The following MNAT1 variants were observed in gnomAD, a reference collection of about 807,000 sequenced individuals.
MNAT1 encodes the protein CDK-activating kinase assembly factor MAT1.
Under a neutral mutation model 42.0 loss-of-function variants are expected in MNAT1, and 43 were observed. The observed-to-expected ratio is 1.02, with a 90% CI of 0.80 to 1.32. MNAT1 has a LOEUF of 1.32. Ranked by LOEUF, MNAT1 falls within the 40% of genes most tolerant of loss-of-function variation. MNAT1 has a pLI of 0.00. For missense variants in MNAT1, 306 were observed against 350.4 expected, an observed-to-expected ratio of 0.87 and a Z score of 1.01; for synonymous variants, 118 against 120.0, an observed-to-expected ratio of 0.98 and a Z score of 0.11.
chr14:60,939,090 AT>A (rs2036076538), intron 7 of MNAT1, among the ~76,000 whole-genome samples: 2 of 152,180 alleles, frequency 1.3e-5, no homozygotes, highest in Non-Finnish European at 2.9e-5. Context: ...CCCCTTTATC[AT>A]TTTTTATTGC....
chr14:60,870,202 T>C (rs2034298253), intron 6 of MNAT1, among the ~76,000 whole-genome samples: 1 of 152,148 alleles, frequency 6.6e-6, no homozygotes, highest in South Asian at 2.1e-4. Flanking sequence ...ATTTTTTGAC[T>C]AGCAAATGAT....
At chr14:60,845,348 G>T (rs2033656345) in intron 6 of MNAT1, among the ~76,000 whole-genome samples, 1 of 151,834 alleles carries the variant, frequency 6.6e-6, no homozygotes, top group South Asian at 2.1e-4. Context: ...AAGAATTTGA[G>T]AATTTCATCT....
At chr14:60,834,080 G>T (rs1374197761) in intron 6 of MNAT1, among the ~76,000 whole-genome samples, 3 of 151,984 alleles carry the variant, frequency 2.0e-5, no homozygotes, top group Admixed American at 2.0e-4. Flanking sequence ...TATTAGTCTG[G>T]ATAATGGTCT....
intron 7 of MNAT1, among the ~76,000 whole-genome samples, chr14:60,945,914 A>G (rs902374872): frequency 6.6e-6 from 1 of 152,148 alleles, no homozygotes; most frequent in Non-Finnish European, 1.5e-5. Flanking sequence ...TAACTTTTCA[A>G]CATGCTACAC....
intron 1 of MNAT1, among the ~76,000 whole-genome samples, chr14:60,757,333 A>G (rs1354444631): frequency 6.6e-6 from 1 of 152,160 alleles, no homozygotes; most frequent in African/African-American, 2.4e-5. Flanking sequence ...TCAAGCCACT[A>G]TGAAAATTTT....
intron 6 of MNAT1, among the ~76,000 whole-genome samples, chr14:60,856,424 G>A (rs1471668511): frequency 6.6e-6 from 1 of 152,164 alleles, no homozygotes; most frequent in East Asian, 1.9e-4. Flanking sequence ...CAGGAGAAAA[G>A]TCTGAAGCTA....
chr14:60,894,519 T>C (rs1206245263), intron 7 of MNAT1, among the ~76,000 whole-genome samples: 1 of 152,134 alleles, frequency 6.6e-6, no homozygotes, highest in African/African-American at 2.4e-5. Context: ...CAACACTTTG[T>C]TTGGAGCCCT....
chr14:60,911,373 A>ATGTGTT (rs1341711276), intron 7 of MNAT1, among the ~76,000 whole-genome samples: 2 of 151,944 alleles, frequency 1.3e-5, no homozygotes, highest in Non-Finnish European at 2.9e-5. Context: ...TAGCTTTTGA[A>ATGTGTT]TGTGTTTGCT....
intron 7 of MNAT1, among the ~76,000 whole-genome samples, chr14:60,962,551 A>C (rs1450453870): frequency 6.6e-6 from 1 of 152,198 alleles, no homozygotes; most frequent in Non-Finnish European, 1.5e-5. Context: ...TAATCCTTTC[A>C]TTATGTAATT....
At chr14:60,953,990 C>T (rs150728258) in intron 7 of MNAT1, among the ~76,000 whole-genome samples, 4,395 of 152,060 alleles carry the variant, frequency 0.029, 93 homozygotes, top group Middle Eastern at 0.048. Context: ...TTCTTGCTAT[C>T]GAGTTGTTTG....
chr14:60,818,472 G>A (rs1306382375), intron 5 of MNAT1, among the ~76,000 whole-genome samples: 1 of 151,884 alleles, frequency 6.6e-6, no homozygotes, highest in Non-Finnish European at 1.5e-5. Context: ...TGGTTGGTTT[G>A]CTAGTTGAAA....
rs183536871 is a variant in MNAT1 at position 60,833,010 on chromosome 14, C to T, written c.687+14163C>T. Among the ~76,000 whole-genome samples the T allele has an allele frequency of 3.6e-3, 554 of 152,058 alleles. 2 individuals carry two copies. The highest frequency in any genetic ancestry group is 0.013 in the African/African-American group (524 of 41,510). ...TGTTGTTGTATAGGAATGCTTGTGA[C>T]TTTTGCACATTGATTTTGTATCCTG... On this transcript the variant is annotated intron_variant, in intron 6 of 7. Transcript: ENST00000261245.
At chr14:60,869,492 C>T (rs2139447053) in intron 6 of MNAT1, among the ~76,000 whole-genome samples, 1 of 152,164 alleles carries the variant, frequency 6.6e-6, no homozygotes, top group Admixed American at 6.5e-5. Context: ...GACAATTACA[C>T]AGAGTTTAAC....
At chr14:60,815,360 GC>G (rs2032679321) in intron 5 of MNAT1, among the ~76,000 whole-genome samples, 1 of 151,908 alleles carries the variant, frequency 6.6e-6, no homozygotes, top group Non-Finnish European at 1.5e-5. Flanking sequence ...GATTACAGGT[GC>G]CTGCCACCAT....
chr14:60,844,197 CT>C (rs2139406059), intron 6 of MNAT1, among the ~76,000 whole-genome samples: 1 of 152,068 alleles, frequency 6.6e-6, no homozygotes, highest in African/African-American at 2.4e-5. Context: ...AATTCTTTTT[CT>C]TTTTCAAGAT....
At chr14:60,802,575 A>G (rs1365667596) in intron 3 of MNAT1, among the ~76,000 whole-genome samples, 1 of 152,182 alleles carries the variant, frequency 6.6e-6, no homozygotes, top group African/African-American at 2.4e-5. Context: ...GGGCCATTAC[A>G]GTAATTTGGA....
intron 7 of MNAT1, among the ~76,000 whole-genome samples, chr14:60,902,616 A>G (rs550274760): frequency 5.6e-4 from 85 of 152,300 alleles, no homozygotes; most frequent in African/African-American, 1.9e-3. Context: ...CTAATAAGAT[A>G]CATCCATCCC....
intron 1 of MNAT1, among the ~76,000 whole-genome samples, chr14:60,755,607 A>G (rs972161082): frequency 1.3e-5 from 2 of 152,210 alleles, no homozygotes; most frequent in African/African-American, 4.8e-5. Flanking sequence ...TGTAAAGCAG[A>G]AAATATAGTG....
intron 7 of MNAT1, chr14:60,919,485 T>TA (rs2035605652): frequency 6.5e-6 from 1 of 153,344 alleles, no homozygotes; most frequent in African/African-American, 2.4e-5. Flanking sequence ...GCAGAATTGC[T>TA]GCGTCTTTTT....
Sources: gnomAD v4.1 joint callset for allele counts (sites outside exome capture counted in the v4.1 genomes callset) on GRCh38, gnomAD v4.1.1 for gene constraint, MANE v1.5 for transcripts, NCBI Gene and HGNC (gene_info 2026-07-23, HGNC 2026-07-21) for gene names.